C2CD3: variants seen among roughly 807,000 people sequenced by gnomAD.
The protein encoded by C2CD3 is C2 domain containing 3 centriole elongation regulator.
C2CD3 carries 148 observed loss-of-function variants against 234.0 expected under a neutral mutation model. That is an observed-to-expected ratio of 0.63 (90% CI 0.55 to 0.72). The LOEUF is 0.72. C2CD3 is among the 30% of genes least tolerant of loss of function. C2CD3 has a pLI of 0.00. For missense variants in C2CD3, 2,577 were observed against 2,811.5 expected, an observed-to-expected ratio of 0.92 and a Z score of 1.89; for synonymous variants, 1,000 against 1,035.4, an observed-to-expected ratio of 0.97 and a Z score of 0.66.
intron 28 of C2CD3, among the ~76,000 whole-genome samples, chr11:74,047,141 T>C (rs899957903): frequency 6.6e-5 from 10 of 152,326 alleles, no homozygotes; most frequent in Admixed American, 3.9e-4. Context: ...CAGCCCACTT[T>C]ACCACCCTGT....
chr11:74,149,358 TAA>T (rs11353762), intron 3 of C2CD3, among the ~76,000 whole-genome samples: 4 of 151,436 alleles, frequency 2.6e-5, no homozygotes, highest in African/African-American at 9.7e-5. Context: ...TTTGCTTAGT[TAA>T]AAAAAAAATT....
At chr11:74,024,789 A>G (rs533489046) in intron 32 of C2CD3, among the ~76,000 whole-genome samples, 1 of 152,276 alleles carries the variant, frequency 6.6e-6, no homozygotes, top group South Asian at 2.1e-4. Context: ...GGAGCGTAAG[A>G]TTCTGAGAAA....
Position 74,078,512 on chromosome 11 carries a change from C to T in C2CD3, c.4206G>A (p.Gly1402=), listed in dbSNP as rs1419547728. ...SLKDFVRMDE[G]EPATVTISTP... ...TGGAGATGGTGACAGTGGCTGGCTC[C>T]CCTTCATCCATTCTGACAAAATCTT... Residue 1402 remains glycine, a synonymous_variant, in exon 23 of 33, where the codon GGG becomes GGA. Transcript: ENST00000334126. The T allele has an allele frequency of 1.9e-6, 3 of 1,614,000 alleles. No homozygotes were observed. Among genetic ancestry groups the T allele is most frequent in the Non-Finnish European group, 2.5e-6 (3 of 1,180,014 alleles).
At chr11:74,022,617 G>A (rs968291476) in intron 32 of C2CD3, among the ~76,000 whole-genome samples, 10 of 151,850 alleles carry the variant, frequency 6.6e-5, no homozygotes, top group East Asian at 1.9e-4. Flanking sequence ...AATTACTGCC[G>A]TTCTCATCGT....
chr11:74,023,022 T>A (rs1231540705), intron 32 of C2CD3, among the ~76,000 whole-genome samples: 1 of 152,192 alleles, frequency 6.6e-6, no homozygotes, highest in African/African-American at 2.4e-5. Flanking sequence ...GAAAGCAGAC[T>A]CAGAAAAGTC....
Position 74,161,973 on chromosome 11 carries a change from A to G in C2CD3, c.326-417T>C, listed in dbSNP as rs562029720. Among the ~76,000 whole-genome samples, 8 of 151,938 alleles carry G rather than the reference A, an allele frequency of 5.3e-5. No individual in the cohort carries two copies. The East Asian group carries it at 1.4e-3, about 26-fold the overall frequency. On this transcript the variant is annotated intron_variant, in intron 2 of 32. Transcript: ENST00000334126. ...TGAGACTAGAGGCACACGCCACCAC[A>G]CTGGGGTAATTTTTTTTATTTTTGT...
rs141781909 is a variant in C2CD3, at chr11:74,100,941, G to A, written c.2581-265C>T. ...GGTGGAGCTTTGAGGACACAGAGAAGGTTGTTAAATATGTCAAACATGGTG... is the reference window on the plus strand; with the variant it reads ...GGTGGAGCTTTGAGGACACAGAGAAAGTTGTTAAATATGTCAAACATGGTG... On this transcript the variant is annotated intron_variant, in intron 14 of 32. Transcript: ENST00000334126. Among the ~76,000 whole-genome samples, 215 of 152,306 alleles carry A rather than the reference G, an allele frequency of 1.4e-3. 2 individuals are homozygous for A. The highest frequency in any genetic ancestry group is 4.0e-3 in the African/African-American group (167 of 41,568).
intron 28 of C2CD3, among the ~76,000 whole-genome samples, chr11:74,044,079 C>T (rs962236020): frequency 2.6e-4 from 40 of 151,926 alleles, no homozygotes; most frequent in African/African-American, 7.0e-4. Context: ...TGAGTTCAAG[C>T]GATCCTCCCA....
At chr11:74,049,927 C>T (rs532068996) in intron 26 of C2CD3, among the ~76,000 whole-genome samples, 17 of 152,220 alleles carry the variant, frequency 1.1e-4, no homozygotes, top group African/African-American at 3.6e-4. Flanking sequence ...ACTATAGGCA[C>T]ACACCACCAT....
chr11:74,156,680 T>G (rs1590960474), intron 3 of C2CD3, among the ~76,000 whole-genome samples: 1 of 152,072 alleles, frequency 6.6e-6, no homozygotes, highest in Admixed American at 6.6e-5. Flanking sequence ...CATAAAACCT[T>G]ACCCTGTGGC....
In C2CD3 at chr11:74,074,519, GA is replaced by G. The variant is rs1269233569; in HGVS notation, c.4684del (p.Ser1562ProfsTer62). ...LRVHVVLSSL[S>X]SHLEPTHELD... ...CTCATGAGTGGGCTCAAGGTGTGAG[GA>G]AAGAGAGGAAAGAACCACATGAACT... On this transcript the variant is annotated frameshift_variant, in exon 24 of 33. Transcript: ENST00000334126. LOFTEE classifies it high-confidence loss of function. 6.2e-7 allele frequency: 1 copy of G among 1,614,190 alleles called. No homozygotes were observed. Among genetic ancestry groups the G allele is most frequent in the Admixed American group, 1.7e-5 (1 of 60,024 alleles).
chr11:74,018,856 C>G (rs549435156), intron 32 of C2CD3, among the ~76,000 whole-genome samples: 12 of 152,226 alleles, frequency 7.9e-5, no homozygotes, highest in African/African-American at 2.6e-4. Context: ...ACCCTCCATG[C>G]CTAAATTAGA....
chr11:74,096,733 T>C (rs980550761), intron 16 of C2CD3, among the ~76,000 whole-genome samples: 4 of 152,258 alleles, frequency 2.6e-5, no homozygotes, highest in Admixed American at 2.6e-4. Flanking sequence ...CACTGCAAGA[T>C]GACAGCCATA....
At chr11:74,154,696 T>G (rs911554678) in intron 3 of C2CD3, among the ~76,000 whole-genome samples, 1 of 152,180 alleles carries the variant, frequency 6.6e-6, no homozygotes, top group Non-Finnish European at 1.5e-5. Flanking sequence ...AAAAGCCACA[T>G]AGACCATATA....
intron 7 of C2CD3, among the ~76,000 whole-genome samples, chr11:74,132,175 AC>A (rs912373899): frequency 7.9e-5 from 12 of 152,070 alleles, no homozygotes; most frequent in African/African-American, 2.9e-4. Flanking sequence ...ACAAGGTGAA[AC>A]CCCGTCGCTA....
chr11:74,078,306 T>C lies in C2CD3; in HGVS notation c.4412A>G (p.Lys1471Arg), dbSNP rs1261178981. The C allele has an allele frequency of 1.2e-5, 19 of 1,614,066 alleles. No homozygotes were observed. Among genetic ancestry groups the C allele is most frequent in the Non-Finnish European group, 1.4e-5 (17 of 1,180,038 alleles). Residue 1471 changes from lysine to arginine, a missense_variant, in exon 23 of 33, where the codon AAA becomes AGA. Lys to Arg is a conservative substitution (Grantham distance 26). Transcript: ENST00000334126. ...TGGGCCCCTGGTGACTTCTGCTCTT[T>C]TGGATGCCTTGAAAGTGACCATAAT... ...KQIMVTFKAS[K>R]RAEVTRGPSL...
chr11:74,158,305 A>G (rs1856173429), intron 3 of C2CD3, among the ~76,000 whole-genome samples: 1 of 152,252 alleles, frequency 6.6e-6, no homozygotes, highest in Non-Finnish European at 1.5e-5. Context: ...TAATATCCAG[A>G]ATATATAAGA....
intron 28 of C2CD3, among the ~76,000 whole-genome samples, chr11:74,047,846 G>A (rs11235985): frequency 0.02 from 3,017 of 152,260 alleles, 96 homozygotes; most frequent in African/African-American, 0.07. Context: ...TGAAAAGGAT[G>A]GACCAGTTGC....
intron 20 of C2CD3, among the ~76,000 whole-genome samples, chr11:74,087,927 G>A (rs1955712854): frequency 6.6e-6 from 1 of 152,196 alleles, no homozygotes; most frequent in African/African-American, 2.4e-5. Flanking sequence ...TCAGTAAGAA[G>A]TGCCTACTTT....
Sources: allele counts gnomAD v4.1 joint callset (sites outside exome capture counted in the v4.1 genomes callset), GRCh38; gene constraint gnomAD v4.1.1; transcripts MANE v1.5; gene names NCBI Gene and HGNC (gene_info 2026-07-23, HGNC 2026-07-21).